FHIT: variants seen among roughly 807,000 people sequenced by gnomAD.
FHIT encodes the protein bis(5'-adenosyl)-triphosphatase.
In FHIT, 19 loss-of-function variants were observed where a neutral mutation model predicts 17.9. The ratio of observed to expected loss-of-function variants is 1.06; its 90% CI spans 0.74 to 1.56. The LOEUF is 1.56. Ranked by LOEUF, FHIT falls within the 40% of genes most tolerant of loss-of-function variation. The pLI, the probability that FHIT is intolerant of heterozygous loss-of-function variation, is 0.00. For synonymous variants in FHIT, 81 were observed against 69.7 expected (o/e 1.16, Z -0.81); for missense variants, 248 against 189.2 (o/e 1.31, Z -1.82).
At chr3:61,059,762 C>A (rs2034359447) in intron 2 of FHIT, among the ~76,000 whole-genome samples, 1 of 152,202 alleles carries the variant, frequency 6.6e-6, no homozygotes, top group Non-Finnish European at 1.5e-5. Context: ...GTCGTTCTTG[C>A]ATTAGCCCAT....
intron 4 of FHIT, among the ~76,000 whole-genome samples, chr3:60,631,555 A>T (rs1470390031): frequency 6.6e-6 from 1 of 152,208 alleles, no homozygotes; most frequent in Non-Finnish European, 1.5e-5. Context: ...ACAAGAGGAA[A>T]AAAATTAACA....
At chr3:60,168,343 T>C (rs1701268014) in intron 5 of FHIT, among the ~76,000 whole-genome samples, 1 of 152,200 alleles carries the variant, frequency 6.6e-6, no homozygotes, top group African/African-American at 2.4e-5. Flanking sequence ...GTACATTGTC[T>C]ATTAACAGCG....
chr3:60,655,085 G>C (rs2040083650), intron 4 of FHIT, among the ~76,000 whole-genome samples: 1 of 152,166 alleles, frequency 6.6e-6, no homozygotes, highest in African/African-American at 2.4e-5. Flanking sequence ...GAAAAGTTTA[G>C]TGTAAGTTAG....
intron 5 of FHIT, among the ~76,000 whole-genome samples, chr3:60,049,798 G>A (rs1043069113): frequency 6.6e-6 from 1 of 152,096 alleles, no homozygotes; most frequent in South Asian, 2.1e-4. Context: ...GGTGATCTAG[G>A]TTTTAATTCC....
chr3:60,114,488 CCTTTTT>C (rs1293636767), intron 5 of FHIT, among the ~76,000 whole-genome samples: 7,354 of 59,518 alleles, frequency 0.12, 550 homozygotes, highest in Admixed American at 0.22. Context: ...CAAGAGAAAT[CCTTTTT>C]TTTTTTTTTT....
chr3:60,002,552 T>A (rs549884739), intron 7 of FHIT, among the ~76,000 whole-genome samples: 1 of 152,182 alleles, frequency 6.6e-6, no homozygotes, highest in African/African-American at 2.4e-5. Context: ...CTCACCATGT[T>A]TGGCCTGAGG....
At chr3:60,543,017 T>C (rs1287793585) in intron 4 of FHIT, among the ~76,000 whole-genome samples, 1 of 152,198 alleles carries the variant, frequency 6.6e-6, no homozygotes. Context: ...TAAGTTCCCA[T>C]ATATACACAG....
At chr3:60,936,769 G>C (rs9873789) in intron 3 of FHIT, among the ~76,000 whole-genome samples, 140,681 of 152,228 alleles carry the variant, frequency 0.92, 66,006 homozygotes, top group East Asian at 1. Context: ...TTTAAACATT[G>C]AAAATAAAAT....
chr3:61,065,828 A>T (rs1161211759), intron 2 of FHIT, among the ~76,000 whole-genome samples: 1 of 152,114 alleles, frequency 6.6e-6, no homozygotes, highest in African/African-American at 2.4e-5. Flanking sequence ...GGAGATCAGT[A>T]GTCTAGTGCT....
intron 2 of FHIT, among the ~76,000 whole-genome samples, chr3:61,127,631 G>A (rs6773927): frequency 0.11 from 16,765 of 152,104 alleles, 926 homozygotes; most frequent in South Asian, 0.2. Flanking sequence ...TTGGGAGGCC[G>A]AGGTGGGTAG....
chr3:60,035,055 C>A (rs1214148170), intron 5 of FHIT, among the ~76,000 whole-genome samples: 1 of 152,176 alleles, frequency 6.6e-6, no homozygotes, highest in East Asian at 1.9e-4. Context: ...AAAGATAACA[C>A]AGAGCACTGA....
intron 5 of FHIT, among the ~76,000 whole-genome samples, chr3:60,472,288 C>A (rs533324692): frequency 2.8e-4 from 42 of 152,040 alleles, no homozygotes; most frequent in African/African-American, 4.1e-4. Context: ...AACTGTATGC[C>A]CACTTTTTTA....
intron 4 of FHIT, among the ~76,000 whole-genome samples, chr3:60,545,479 T>C (rs984823963): frequency 1.3e-5 from 2 of 152,210 alleles, no homozygotes; most frequent in African/African-American, 4.8e-5. Context: ...TTAGTGTTTT[T>C]CTCTTGGGTA....
intron 4 of FHIT, among the ~76,000 whole-genome samples, chr3:60,554,994 A>G (rs540343919): frequency 2.0e-5 from 3 of 152,318 alleles, no homozygotes; most frequent in African/African-American, 7.2e-5. Flanking sequence ...TCTAATATCT[A>G]ACGGTGTTAT....
intron 1 of FHIT, among the ~76,000 whole-genome samples, chr3:61,212,934 C>A (rs369743439): frequency 1.3e-5 from 2 of 152,146 alleles, no homozygotes; most frequent in South Asian, 2.1e-4. Flanking sequence ...GAAATAAAAT[C>A]CTTTACAGAC....
chr3:59,826,056 C>T (rs534020019), intron 8 of FHIT, among the ~76,000 whole-genome samples: 2 of 152,332 alleles, frequency 1.3e-5, no homozygotes, highest in South Asian at 2.1e-4. Flanking sequence ...ACTTCTTTAA[C>T]GATCTCCAGT....
At chr3:61,190,169 T>G (rs936709046) in intron 2 of FHIT, among the ~76,000 whole-genome samples, 8 of 152,214 alleles carry the variant, frequency 5.3e-5, no homozygotes, top group Non-Finnish European at 1.2e-4. Context: ...GGGAGAAAAT[T>G]TTTGCAATCT....
At chr3:60,373,724 T>G (rs1180340117) in intron 5 of FHIT, among the ~76,000 whole-genome samples, 4 of 152,162 alleles carry the variant, frequency 2.6e-5, no homozygotes, top group African/African-American at 9.7e-5. Context: ...GAATGCAAGG[T>G]GCAACTTCAT....
intron 7 of FHIT, among the ~76,000 whole-genome samples, chr3:59,935,396 C>T (rs983346004): frequency 6.6e-6 from 1 of 152,098 alleles, no homozygotes; most frequent in Non-Finnish European, 1.5e-5. Flanking sequence ...TTTTAAAGAG[C>T]ATGCTCAAAT....
Sources: allele counts gnomAD v4.1 joint callset (sites outside exome capture counted in the v4.1 genomes callset), GRCh38; gene constraint gnomAD v4.1.1; transcripts MANE v1.5; gene names NCBI Gene and HGNC (gene_info 2026-07-23, HGNC 2026-07-21).